FAM133B: variants seen among roughly 807,000 people sequenced by gnomAD.
FAM133B encodes protein FAM133B.
In FAM133B, 25 loss-of-function variants were observed where a neutral mutation model predicts 46.4. The ratio of observed to expected loss-of-function variants is 0.54; its 90% CI spans 0.39 to 0.75. The LOEUF (loss-of-function observed/expected upper bound fraction) is 0.75, where lower values mean the gene tolerates loss of function less well. FAM133B is among the 30% of genes least tolerant of loss of function. The probability of loss-of-function intolerance (pLI) is 0.00; values close to 1 mark genes in which losing one functional copy is unlikely to be tolerated. For synonymous variants in FAM133B, 75 were observed against 86.0 expected (o/e 0.87, Z 0.71); for missense variants, 205 against 277.6 (o/e 0.74, Z 1.86).
chr7:92,570,462 G>T (rs1301582690), intron 8 of FAM133B, among the ~76,000 whole-genome samples: 2 of 151,920 alleles, frequency 1.3e-5, no homozygotes, highest in Admixed American at 1.3e-4. Context: ...TAGTACTTAG[G>T]GGCTTAAATA....
intron 8 of FAM133B, 45 bp from the exon 9 acceptor site, chr7:92,569,960 C>A: frequency 1.2e-6 from 1 of 868,076 alleles, no homozygotes; most frequent in South Asian, 3.2e-5. Context: ...CATACTTTGT[C>A]ACACACATTT....
Position 92,578,399 on chromosome 7 carries a change from A to G in FAM133B, c.202-6T>C. On this transcript the variant is annotated splice_polypyrimidine_tract_variant and splice_region_variant and intron_variant, in intron 3 of 10. Coordinates refer to ENST00000445716, the MANE Select transcript of FAM133B (RefSeq NM_152789.4). The stretch of plus-strand genomic sequence containing the variant: ...TCCAGTTCTTTCTTCCAGTTCTGCA[A>G]AAAGGTTATGAACACCATCAGAGAC... The G allele has an allele frequency of 1.9e-6, 3 of 1,611,590 alleles. No homozygotes were observed. Among genetic ancestry groups the G allele is most frequent in the African/African-American group, 1.3e-5 (1 of 75,014 alleles).
intron 2 of FAM133B, among the ~76,000 whole-genome samples, 165 bp from the exon 3 acceptor site, chr7:92,579,560 A>G (rs867350617): frequency 6.6e-6 from 1 of 152,222 alleles, no homozygotes; most frequent in African/African-American, 2.4e-5. Context: ...AAAATAAATT[A>G]CCATAATAAA....
chr7:92,587,411 C>T (rs2116428308), intron 1 of FAM133B, among the ~76,000 whole-genome samples: 1 of 152,170 alleles, frequency 6.6e-6, no homozygotes, highest in Middle Eastern at 3.4e-3. Flanking sequence ...AATGGCTAGG[C>T]CGAAGAGAGG....
intron 3 of FAM133B, among the ~76,000 whole-genome samples, chr7:92,578,837 G>C (rs966456371): frequency 1.3e-5 from 2 of 152,068 alleles, no homozygotes; most frequent in Admixed American, 1.3e-4. Flanking sequence ...CTTGAGCTCA[G>C]AAGTTGGAGA....
intron 9 of FAM133B, 130 bp downstream of exon 9, chr7:92,569,693 T>C (rs1794471955): frequency 6.7e-6 from 3 of 446,848 alleles, no homozygotes; most frequent in Non-Finnish European, 1.2e-5. Context: ...TGAAATAACT[T>C]TCATTTTGTT....
Position 92,577,169 on chromosome 7 carries a change from C to T in FAM133B, c.399G>A (p.Lys133=). ...ATTTATGTGAACGGTTCTTCTTTTT[C>T]TTTCTCCGTTTTCCTTGTTTCTTAT... The part of the protein sequence containing the change: ...DEDKKQGKRR[K]KKKNRSHKSS... Residue 133 remains lysine (K), a synonymous_variant, in exon 7 of 11, where the codon AAG becomes AAA. Transcript: ENST00000445716. 6.7e-7 allele frequency: 1 copy of T among 1,497,690 alleles called. No individual in the cohort carries two copies. Among genetic ancestry groups the T allele is most frequent in the South Asian group, 1.4e-5 (1 of 72,260 alleles). 92.8% of individuals were successfully genotyped at this position (1,497,690 alleles called of 1,614,324 possible).
intron 1 of FAM133B, 168 bp downstream of exon 1, chr7:92,590,100 G>C: frequency 1.1e-6 from 1 of 921,016 alleles, no homozygotes; most frequent in Non-Finnish European, 1.6e-6. Context: ...AGCGCCAACT[G>C]CGTGCGCGGC....
rs1562894524 is a variant in FAM133B, at chr7:92,577,669, CAGA to C, written c.355_357del (p.Ser119del). On this transcript the variant is annotated inframe_deletion, in exon 6 of 11. Coordinates refer to ENST00000445716, the MANE Select transcript of FAM133B (RefSeq NM_152789.4). ...GCAAACCTTACCTCATCTTCAGAAT[CAGA>C]AGAACTGCTGGAAGAATCAGAGCTT... 2 of 1,582,910 alleles carry C rather than the reference CAGA, an allele frequency of 1.3e-6. No homozygotes were observed. Among genetic ancestry groups the C allele is most frequent in the Admixed American group, 1.8e-5 (1 of 55,836 alleles).
rs539699812 is a variant in FAM133B at position 92,590,253 on chromosome 7, C to T, written c.24+15G>A. The T allele has an allele frequency of 1.9e-5, 30 of 1,613,664 alleles. No individual in the cohort carries two copies. The highest frequency in any genetic ancestry group is 5.0e-5 in the Admixed American group (3 of 60,020). On this transcript the variant is annotated intron_variant, in intron 1 of 10. Transcript: ENST00000445716. ...GCCCTGCGTCGCCCCACTGTTTTCCCGGCTGAGTACTCACCACCCGATTGT... is the reference window on the plus strand; with the variant it reads ...GCCCTGCGTCGCCCCACTGTTTTCCTGGCTGAGTACTCACCACCCGATTGT...
chr7:92,568,318 T>C (rs1794426005), intron 9 of FAM133B, among the ~76,000 whole-genome samples: 1 of 151,976 alleles, frequency 6.6e-6, no homozygotes, highest in South Asian at 2.1e-4. Context: ...ACAGCCTGCA[T>C]TTTGTTTTTT....
intron 7 of FAM133B, among the ~76,000 whole-genome samples, chr7:92,576,745 G>C (rs1386671774): frequency 6.6e-6 from 1 of 152,194 alleles, no homozygotes; most frequent in Non-Finnish European, 1.5e-5. Flanking sequence ...TTTAGGTACG[G>C]TATAGTAGAA....
chr7:92,587,182 T>C (rs1039019744), intron 1 of FAM133B, among the ~76,000 whole-genome samples: 2 of 152,234 alleles, frequency 1.3e-5, no homozygotes, highest in Non-Finnish European at 2.9e-5. Flanking sequence ...TGAAATTCAC[T>C]GGGGCTTTTT....
chr7:92,576,270 G>A (rs1452451492), intron 7 of FAM133B, among the ~76,000 whole-genome samples: 4 of 152,188 alleles, frequency 2.6e-5, no homozygotes, highest in Non-Finnish European at 5.9e-5. Flanking sequence ...TCCTGAAGTT[G>A]TTGAGATTCA....
At chr7:92,585,676 GAATT>G (rs1022393762) in intron 1 of FAM133B, among the ~76,000 whole-genome samples, 7 of 151,700 alleles carry the variant, frequency 4.6e-5, no homozygotes, top group East Asian at 1.9e-4. Context: ...CAAAATGAAA[GAATT>G]ATTTTAATAA....
intron 3 of FAM133B, among the ~76,000 whole-genome samples, chr7:92,578,768 G>A (rs1314899844): frequency 1.3e-5 from 2 of 152,182 alleles, no homozygotes; most frequent in African/African-American, 4.8e-5. Context: ...CAAACAGGCT[G>A]GGTATAATGG....
Position 92,562,159 on chromosome 7 carries a change from T to C in FAM133B, c.*123A>G. 8.1e-7 allele frequency: 1 copy of C among 1,238,402 alleles called. No individual in the cohort carries two copies. Among genetic ancestry groups the C allele is most frequent in the South Asian group, 1.6e-5 (1 of 63,548 alleles). The allele number at this position is 1,238,402 out of a possible 1,614,324, so 76.7% of individuals were successfully genotyped here. A position where few individuals can be genotyped will look rare whatever the true frequency, so the allele number is the denominator to read the frequency against. On this transcript the variant is annotated 3_prime_UTR_variant, in exon 11 of 11. Transcript: ENST00000445716. ...TGGCATCTGAGTGGCTACTGAATAG[T>C]CCAGGAATAATTCCAAAAACAAGAA...
At chr7:92,569,666 CA>C (rs1794471444) in intron 9 of FAM133B, 156 bp downstream of exon 9, 1 of 387,376 alleles carries the variant, frequency 2.6e-6, no homozygotes, top group Non-Finnish European at 4.7e-6. Context: ...TGGAAAAAAG[CA>C]AAACTCATTC....
At chr7:92,575,269 G>A (rs1377167886) in intron 8 of FAM133B, among the ~76,000 whole-genome samples, 4 of 152,124 alleles carry the variant, frequency 2.6e-5, no homozygotes, top group Non-Finnish European at 5.9e-5. Context: ...TGAGGTCAGG[G>A]TTTTGAAAGC....
Sources: gnomAD v4.1 joint callset for allele counts (sites outside exome capture counted in the v4.1 genomes callset) on GRCh38, gnomAD v4.1.1 for gene constraint, MANE v1.5 for transcripts, NCBI Gene and HGNC (gene_info 2026-07-23, HGNC 2026-07-21) for gene names.